The following RPS18 variants were observed in gnomAD, a reference collection of about 807,000 sequenced individuals.
The protein encoded by RPS18 is ribosomal protein S18, also known as small ribosomal subunit protein uS13.
For missense variants in RPS18, 49 were observed against 200.8 expected (o/e 0.24, Z 4.57); for synonymous variants, 64 against 70.9 (o/e 0.90, Z 0.49).
chr6:33,274,024 C>G (rs979759376), intron 2 of RPS18, among the ~76,000 whole-genome samples: 12 of 152,220 alleles, frequency 7.9e-5, no homozygotes, highest in African/African-American at 2.9e-4. Flanking sequence ...ATGGTGCAAT[C>G]TTATCTCACT....
chr6:33,275,650 C>T (rs1562597852), intron 2 of RPS18, 147 bp from the exon 3 acceptor site: 1 of 710,684 alleles, frequency 1.4e-6, no homozygotes, highest in Non-Finnish European at 2.6e-6. Flanking sequence ...CGGTTTATAT[C>T]TGGAAAGGTG....
intron 2 of RPS18, 54 bp from the exon 3 acceptor site, chr6:33,275,743 A>G: frequency 8.7e-7 from 1 of 1,151,658 alleles, no homozygotes; most frequent in Non-Finnish European, 1.3e-6. Flanking sequence ...GAGGCTATAA[A>G]GGAATTTAAA....
At chr6:33,274,765 C>T (rs968574620) in intron 2 of RPS18, among the ~76,000 whole-genome samples, 2 of 152,100 alleles carry the variant, frequency 1.3e-5, no homozygotes, top group Non-Finnish European at 2.9e-5. Flanking sequence ...TCAAATATAA[C>T]GTCATTTTAC....
intron 2 of RPS18, among the ~76,000 whole-genome samples, chr6:33,273,497 T>G (rs1157734401): frequency 6.6e-6 from 1 of 152,172 alleles, no homozygotes; most frequent in Non-Finnish European, 1.5e-5. Flanking sequence ...TGGTAGGTAC[T>G]TAGGCGACGT....
In RPS18 at chr6:33,272,085, C is replaced by T. The variant is rs781409978; in HGVS notation, c.-35C>T. 1.9e-6 allele frequency: 3 copies of T among 1,563,828 alleles called. No individual in the cohort carries two copies. Among genetic ancestry groups the T allele is most frequent in the East Asian group, 4.7e-5 (2 of 42,126 alleles). ...CGCGTCACTTCCGCTCTCTCTTCCA[C>T]AGGAGGCCTACACGCCGCCGCTTGT... On this transcript the variant is annotated 5_prime_UTR_variant, in exon 1 of 6. Coordinates refer to ENST00000439602, the MANE Select transcript of RPS18 (RefSeq NM_022551.3).
chr6:33,273,215 C>T (rs563829348), intron 2 of RPS18, among the ~76,000 whole-genome samples: 5 of 151,656 alleles, frequency 3.3e-5, no homozygotes, highest in South Asian at 4.2e-4. Flanking sequence ...GGGACATTTA[C>T]TCAGATGAGC....
intron 2 of RPS18, among the ~76,000 whole-genome samples, chr6:33,273,862 C>T (rs1488643286): frequency 6.6e-6 from 1 of 151,730 alleles, no homozygotes; most frequent in Non-Finnish European, 1.5e-5. Context: ...AGTTCGAGAC[C>T]AGCCTGGTCA....
rs749766603 is a variant in RPS18 at position 33,275,780 on chromosome 6, C to T, written c.103-17C>T. ...ATCAGATTCAACACTAATTCCGAAACCCCTCACTTCATTCAGGGTGTGGGC... is the reference window on the plus strand; with the variant it reads ...ATCAGATTCAACACTAATTCCGAAATCCCTCACTTCATTCAGGGTGTGGGC... On this transcript the variant is annotated splice_polypyrimidine_tract_variant and intron_variant, in intron 2 of 5. Coordinates refer to ENST00000439602, the MANE Select transcript of RPS18 (RefSeq NM_022551.3). 5 of 1,545,216 alleles carry T rather than the reference C, an allele frequency of 3.2e-6. No individual in the cohort carries two copies. The East Asian group carries it at 1.1e-4, about 35-fold the overall frequency.
intron 2 of RPS18, among the ~76,000 whole-genome samples, chr6:33,273,676 T>TA (rs1269054521): frequency 6.6e-6 from 1 of 152,222 alleles, no homozygotes; most frequent in Non-Finnish European, 1.5e-5. Flanking sequence ...ATAAGTGTAA[T>TA]AGAGAATAAC....
intron 2 of RPS18, chr6:33,275,176 TCTC>T (rs940730501): frequency 3.2e-5 from 5 of 154,186 alleles, no homozygotes; most frequent in Non-Finnish European, 7.3e-5. Context: ...GGCCCCTTGT[TCTC>T]CTAAATGCAA....
intron 2 of RPS18, among the ~76,000 whole-genome samples, chr6:33,274,766 G>A (rs541799493): frequency 2.6e-5 from 4 of 152,056 alleles, no homozygotes; most frequent in South Asian, 2.1e-4. Flanking sequence ...CAAATATAAC[G>A]TCATTTTACC....
intron 2 of RPS18, among the ~76,000 whole-genome samples, chr6:33,273,237 CTCCTT>C (rs1299349921): frequency 6.6e-6 from 1 of 152,228 alleles, no homozygotes; most frequent in African/African-American, 2.4e-5. Flanking sequence ...ATAATTGACA[CTCCTT>C]TCCTGTCGAA....
Position 33,272,134 on chromosome 6 carries a change from A to C in RPS18, c.3+12A>C. ...GTGCTGCAGCCATGGTAAGACTGGAATCCGTGCCGTGATCCAGCGGCATCG... is the reference window on the plus strand; with the variant it reads ...GTGCTGCAGCCATGGTAAGACTGGACTCCGTGCCGTGATCCAGCGGCATCG... On this transcript the variant is annotated intron_variant, in intron 1 of 5. Coordinates refer to ENST00000439602, the MANE Select transcript of RPS18 (RefSeq NM_022551.3). 2 of 1,563,734 alleles carry C rather than the reference A, an allele frequency of 1.3e-6. No individual in the cohort carries two copies. Among genetic ancestry groups the C allele is most frequent in the Non-Finnish European group, 1.7e-6 (2 of 1,154,022 alleles).
Position 33,276,013 on chromosome 6 carries a change from C to G in RPS18, c.238C>G (p.Pro80Ala). 6.2e-7 allele frequency: 1 copy of G among 1,614,108 alleles called. No individual in the cohort carries two copies. Among genetic ancestry groups the G allele is most frequent in the Non-Finnish European group, 8.5e-7 (1 of 1,180,008 alleles). Residue 80 changes from proline to alanine, a missense_variant, in exon 4 of 6, where the codon CCA (proline) becomes GCA (alanine). Pro to Ala is a conservative substitution (Grantham distance 27). Transcript: ENST00000439602. ...IMQNPRQYKI[P>A]DWFLNRQKDV... is the part of the protein sequence containing the mutation. ...GCAGAATCCACGCCAGTACAAGATC[C>G]CAGACTGGTTCTTGAACAGACAGAA...
chr6:33,274,590 A>G (rs1765504957), intron 2 of RPS18, among the ~76,000 whole-genome samples: 1 of 152,210 alleles, frequency 6.6e-6, no homozygotes, highest in Non-Finnish European at 1.5e-5. Flanking sequence ...TTGGCGCTGG[A>G]GGCACTTAAG....
intron 2 of RPS18, among the ~76,000 whole-genome samples, chr6:33,273,439 T>C (rs1031697097): frequency 9.2e-5 from 14 of 152,154 alleles, no homozygotes; most frequent in Non-Finnish European, 4.4e-5. Context: ...CCTACCAGTA[T>C]GTGTCCATGC....
At chr6:33,273,714 A>T (rs1006078099) in intron 2 of RPS18, among the ~76,000 whole-genome samples, 7 of 152,248 alleles carry the variant, frequency 4.6e-5, no homozygotes, top group Admixed American at 3.9e-4. Flanking sequence ...ACTAAAAATT[A>T]GAAATCTTAT....
In RPS18 at chr6:33,276,278, G is replaced by A. The variant is rs760873055; in HGVS notation, c.383+11G>A. Reference sequence around the variant, plus strand: ...GCGTCACTTCTGGGGGTGAGTGGGGGGTCTCATCTCCCTGCCTACCTCGAC... The same window carrying A: ...GCGTCACTTCTGGGGGTGAGTGGGGAGTCTCATCTCCCTGCCTACCTCGAC... On this transcript the variant is annotated intron_variant, in intron 5 of 5. Coordinates refer to ENST00000439602, the MANE Select transcript of RPS18 (RefSeq NM_022551.3). 2 of 1,611,534 alleles carry A rather than the reference G, an allele frequency of 1.2e-6. No individual in the cohort carries two copies. Among genetic ancestry groups the A allele is most frequent in the Admixed American group, 1.7e-5 (1 of 60,010 alleles).
intron 2 of RPS18, among the ~76,000 whole-genome samples, chr6:33,273,986 C>G (rs1765466554): frequency 6.6e-6 from 1 of 152,172 alleles, no homozygotes; most frequent in African/African-American, 2.4e-5. Flanking sequence ...GAGACAGAGT[C>G]TCACCCCGTC....
Sources: allele counts gnomAD v4.1 joint callset (sites outside exome capture counted in the v4.1 genomes callset), GRCh38; gene constraint gnomAD v4.1.1; transcripts MANE v1.5; gene names NCBI Gene and HGNC (gene_info 2026-07-23, HGNC 2026-07-21).